FAM135B: variants seen among roughly 807,000 people sequenced by gnomAD.
The protein encoded by FAM135B is family with sequence similarity 135 member B.
In FAM135B, 43 loss-of-function variants were observed where a neutral mutation model predicts 127.7. That is an observed-to-expected ratio of 0.34 (90% CI 0.26 to 0.43). The LOEUF (loss-of-function observed/expected upper bound fraction) is 0.43. Ranked by LOEUF, FAM135B falls within the 20% of genes least tolerant of loss-of-function variation. The pLI is 1.00. For missense variants in FAM135B, 1,558 were observed against 1,725.6 expected, an observed-to-expected ratio of 0.90 and a Z score of 1.72; for synonymous variants, 670 against 665.1, an observed-to-expected ratio of 1.01 and a Z score of -0.11.
At chr8:138,400,074 G>A (rs1833072596) in intron 1 of FAM135B, among the ~76,000 whole-genome samples, 2 of 152,144 alleles carry the variant, frequency 1.3e-5, no homozygotes, top group Non-Finnish European at 2.9e-5. Context: ...ATTTCAGATG[G>A]GGGAATGGAT....
intron 3 of FAM135B, among the ~76,000 whole-genome samples, chr8:138,283,820 A>C (rs1469944836): frequency 2.0e-5 from 3 of 152,074 alleles, no homozygotes; most frequent in African/African-American, 7.2e-5. Context: ...AAGACTTTCC[A>C]GGGAGGAAGA....
At chr8:138,167,278 C>T (rs574629131) in intron 12 of FAM135B, among the ~76,000 whole-genome samples, 1 of 152,242 alleles carries the variant, frequency 6.6e-6, no homozygotes, top group African/African-American at 2.4e-5. Flanking sequence ...TCACTGCAAC[C>T]TCTGCCTCTT....
At chr8:138,468,187 T>C (rs1445967209) in intron 1 of FAM135B, among the ~76,000 whole-genome samples, 1 of 152,236 alleles carries the variant, frequency 6.6e-6, no homozygotes, top group African/African-American at 2.4e-5. Flanking sequence ...CTATGGAATT[T>C]ACAGAGCCTG....
At chr8:138,488,908 G>A (rs1055180984) in intron 1 of FAM135B, among the ~76,000 whole-genome samples, 2 of 152,036 alleles carry the variant, frequency 1.3e-5, no homozygotes, top group Admixed American at 6.5e-5. Flanking sequence ...CTGGTGATCC[G>A]CCCGCCTCAG....
intron 7 of FAM135B, among the ~76,000 whole-genome samples, chr8:138,221,294 T>C (rs920826791): frequency 6.6e-6 from 1 of 151,734 alleles, no homozygotes; most frequent in African/African-American, 2.4e-5. Context: ...GTAGGAGCAA[T>C]AGAGAGAGCA....
At chr8:138,258,892 C>G (rs1208300923) in intron 4 of FAM135B, among the ~76,000 whole-genome samples, 1 of 151,912 alleles carries the variant, frequency 6.6e-6, no homozygotes, top group Non-Finnish European at 1.5e-5. Context: ...GTCATCATCT[C>G]CTTTCAAGGG....
intron 3 of FAM135B, among the ~76,000 whole-genome samples, chr8:138,307,993 T>C: frequency 6.6e-6 from 1 of 152,172 alleles, no homozygotes; most frequent in African/African-American, 2.4e-5. Flanking sequence ...TTTCCTCCCA[T>C]CACTGTACAT....
chr8:138,360,282 T>A (rs1262512361), intron 2 of FAM135B, among the ~76,000 whole-genome samples: 1 of 152,242 alleles, frequency 6.6e-6, no homozygotes, highest in East Asian at 1.9e-4. Context: ...TGTAAATAGA[T>A]ACAAATGAGT....
At chr8:138,201,774 C>T (rs1817138043) in intron 7 of FAM135B, among the ~76,000 whole-genome samples, 1 of 152,168 alleles carries the variant, frequency 6.6e-6, no homozygotes, top group South Asian at 2.1e-4. Context: ...TGTGAATGAA[C>T]TGGCAAATAG....
Position 138,316,507 on chromosome 8 carries a change from C to CA in FAM135B, c.78-5588dup, listed in dbSNP as rs1046586985. 6.1e-4 allele frequency among the ~76,000 whole-genome samples: 92 copies of CA among 151,250 alleles called. 1 individual carries two copies. Among genetic ancestry groups the CA allele is most frequent in the East Asian group, 4.0e-4 (2 of 5,062 alleles). On this transcript the variant is annotated intron_variant, in intron 2 of 19. Coordinates refer to ENST00000395297, the MANE Select transcript of FAM135B (RefSeq NM_015912.4). Reference sequence around the variant, plus strand: ...AGACTCCGTCTCAAAAAACAAAAAACAAAAAACAAAAAAAACCACAATGAG... The same window carrying CA: ...AGACTCCGTCTCAAAAAACAAAAAACAAAAAAACAAAAAAAACCACAATGAG...
At chr8:138,327,501 T>C (rs899823297) in intron 2 of FAM135B, among the ~76,000 whole-genome samples, 9 of 152,154 alleles carry the variant, frequency 5.9e-5, no homozygotes, top group Admixed American at 1.3e-4. Flanking sequence ...CTTGGGTACA[T>C]AAAATGACCC....
intron 2 of FAM135B, among the ~76,000 whole-genome samples, chr8:138,363,083 T>C (rs1830532385): frequency 6.6e-6 from 1 of 152,048 alleles, no homozygotes. Flanking sequence ...TCAAGAGAGA[T>C]GCTAGGGGGA....
chr8:138,230,589 G>A (rs557533204), intron 7 of FAM135B, among the ~76,000 whole-genome samples: 9 of 152,282 alleles, frequency 5.9e-5, no homozygotes, highest in Admixed American at 3.3e-4. Context: ...AAATTCTGCT[G>A]CTGGTTGGAA....
At chr8:138,222,009 G>A (rs1389002316) in intron 7 of FAM135B, among the ~76,000 whole-genome samples, 7 of 152,090 alleles carry the variant, frequency 4.6e-5, no homozygotes, top group Non-Finnish European at 8.8e-5. Context: ...ATTCAGAAAC[G>A]GCAGCAATGA....
chr8:138,379,869 G>A (rs144213581), intron 1 of FAM135B, among the ~76,000 whole-genome samples: 118 of 152,306 alleles, frequency 7.7e-4, no homozygotes, highest in African/African-American at 2.5e-3. Context: ...GAAGAACGTC[G>A]CAGATGCCAA....
In FAM135B at chr8:138,485,029, A is replaced by C. The variant is rs115158684; in HGVS notation, c.-20+11642T>G. Among the ~76,000 whole-genome samples the C allele has an allele frequency of 3.8e-3, 577 of 152,330 alleles. 4 individuals are homozygous for C. The highest frequency in any genetic ancestry group is 0.013 in the African/African-American group (550 of 41,580). ...AGTTGCCTTCTCTCCCCTTGCAACA[A>C]CACCTCAGCTAAGATGATGTGTGCT... On this transcript the variant is annotated intron_variant, in intron 1 of 19. Coordinates refer to ENST00000395297, the MANE Select transcript of FAM135B (RefSeq NM_015912.4).
At chr8:138,346,934 T>C (rs553578251) in intron 2 of FAM135B, among the ~76,000 whole-genome samples, 2 of 152,348 alleles carry the variant, frequency 1.3e-5, no homozygotes, top group African/African-American at 4.8e-5. Flanking sequence ...TATGATAATA[T>C]GTGTCTGTTT....
chr8:138,355,158 T>C (rs1391941657), intron 2 of FAM135B, among the ~76,000 whole-genome samples: 2 of 152,224 alleles, frequency 1.3e-5, no homozygotes, highest in East Asian at 3.9e-4. Flanking sequence ...GAAGACAATG[T>C]AGCGATTCCT....
chr8:138,476,260 A>G (rs900726727), intron 1 of FAM135B, among the ~76,000 whole-genome samples: 6 of 152,228 alleles, frequency 3.9e-5, no homozygotes, highest in African/African-American at 1.4e-4. Context: ...CAGTGAAACT[A>G]TCCTGCATGA....
Sources: allele counts gnomAD v4.1 joint callset (sites outside exome capture counted in the v4.1 genomes callset), GRCh38; gene constraint gnomAD v4.1.1; transcripts MANE v1.5; gene names NCBI Gene and HGNC (gene_info 2026-07-23, HGNC 2026-07-21).